The following CDH13 variants were observed in gnomAD, a reference collection of about 807,000 sequenced individuals.
CDH13 encodes cadherin-13.
A neutral mutation model predicts 63.8 loss-of-function variants in CDH13; 24 were observed. The ratio of observed to expected loss-of-function variants is 0.38; its 90% CI spans 0.27 to 0.53. The LOEUF (loss-of-function observed/expected upper bound fraction) is 0.53, where lower values mean the gene tolerates loss of function less well. CDH13 is among the 20% of genes least tolerant of loss of function. The pLI, the probability that CDH13 is intolerant of heterozygous loss-of-function variation, is 0.85. For synonymous variants in CDH13, 503 were observed against 355.3 expected, an observed-to-expected ratio of 1.42 and a Z score of -4.67; for missense variants, 1,049 against 903.1, an observed-to-expected ratio of 1.16 and a Z score of -2.07.
chr16:82,693,448 C>G (rs773210208), intron 1 of CDH13, among the ~76,000 whole-genome samples: 1 of 152,212 alleles, frequency 6.6e-6, no homozygotes, highest in Non-Finnish European at 1.5e-5. Context: ...CTCAGGAAGA[C>G]CACTTCCCAG....
chr16:83,486,639 C>T lies in CDH13; in HGVS notation c.944C>T (p.Ala315Val), dbSNP rs775593596. ...KGDIVTVVSP[A>V]LLDRETLENP... ...GACATTGTCACTGTTGTGTCACCTG[C>T]GCTGCTGGACCGAGAGGTGAGCTGA... The change falls in exon 7 of 14, where the codon GCG becomes GTG. Residue 315 changes from alanine (A) to valine (V), a missense_variant. Coordinates refer to ENST00000567109, the MANE Select transcript of CDH13 (RefSeq NM_001257.5). The T allele has an allele frequency of 5.8e-5, 93 of 1,613,528 alleles. No individual in the cohort carries two copies. The Admixed American group carries it at 7.7e-4, about 13-fold the overall frequency.
intron 11 of CDH13, among the ~76,000 whole-genome samples, chr16:83,771,374 T>G (rs1200073445): frequency 6.6e-6 from 1 of 152,226 alleles, no homozygotes; most frequent in Non-Finnish European, 1.5e-5. Flanking sequence ...TATTGGAGTT[T>G]GAAATCCAGC....
chr16:83,351,447 T>A (rs1379158181), intron 6 of CDH13, among the ~76,000 whole-genome samples: 1 of 152,186 alleles, frequency 6.6e-6, no homozygotes, highest in African/African-American at 2.4e-5. Flanking sequence ...TCCTGGCATC[T>A]CTACACAGAG....
rs968616356 is a variant in CDH13, at chr16:82,896,122, C to T, written c.157+37649C>T. Among the ~76,000 whole-genome samples, 5 of 152,092 alleles carry T rather than the reference C, an allele frequency of 3.3e-5. No homozygotes were observed. In the East Asian group the frequency reaches 7.8e-4, roughly 24 times the overall value. ...CCTGACATTCTCTCATTCATTCATTCGTATCTTACCTGTTTCCCTGTAGAA... is the reference window on the plus strand; with the variant it reads ...CCTGACATTCTCTCATTCATTCATTTGTATCTTACCTGTTTCCCTGTAGAA... On this transcript the variant is annotated intron_variant, in intron 2 of 13. Coordinates refer to ENST00000567109, the MANE Select transcript of CDH13 (RefSeq NM_001257.5).
At chr16:83,403,671 G>T (rs1264608858) in intron 6 of CDH13, among the ~76,000 whole-genome samples, 1 of 151,968 alleles carries the variant, frequency 6.6e-6, no homozygotes, top group Non-Finnish European at 1.5e-5. Context: ...AACCTTTGGG[G>T]GAGTGAGCAG....
chr16:83,538,652 G>A (rs886569091), intron 7 of CDH13, among the ~76,000 whole-genome samples: 4 of 152,176 alleles, frequency 2.6e-5, no homozygotes, highest in Non-Finnish European at 5.9e-5. Flanking sequence ...TAGCGCTGAC[G>A]ATCATTTTTA....
chr16:83,584,794 C>T (rs2150727596), intron 7 of CDH13, among the ~76,000 whole-genome samples: 1 of 152,320 alleles, frequency 6.6e-6, no homozygotes, highest in Middle Eastern at 3.4e-3. Flanking sequence ...GTACAGGAAG[C>T]ATGGTGCCAG....
intron 1 of CDH13, among the ~76,000 whole-genome samples, chr16:82,781,424 A>C (rs1254498505): frequency 6.6e-6 from 1 of 152,052 alleles, no homozygotes; most frequent in African/African-American, 2.4e-5. Flanking sequence ...TGTTGTGTAC[A>C]TTGGCAACTT....
At chr16:83,566,810 G>C (rs1161678271) in intron 7 of CDH13, among the ~76,000 whole-genome samples, 1 of 152,120 alleles carries the variant, frequency 6.6e-6, no homozygotes, top group Non-Finnish European at 1.5e-5. Flanking sequence ...TCCAGAGGCA[G>C]AATCCCAGAG....
chr16:83,103,109 C>T (rs1168344993), intron 3 of CDH13, among the ~76,000 whole-genome samples: 9 of 151,486 alleles, frequency 5.9e-5, no homozygotes, highest in East Asian at 1.9e-4. Context: ...TGTGCCACCA[C>T]GCCCAGCTAA....
intron 2 of CDH13, among the ~76,000 whole-genome samples, chr16:82,892,631 G>A (rs1326550715): frequency 6.6e-6 from 1 of 152,154 alleles, no homozygotes; most frequent in Non-Finnish European, 1.5e-5. Context: ...AGTTTGGGAT[G>A]GATCTAAGAA....
chr16:83,375,982 G>A (rs979919680), intron 6 of CDH13, among the ~76,000 whole-genome samples: 2 of 152,122 alleles, frequency 1.3e-5, no homozygotes, highest in African/African-American at 4.8e-5. Context: ...AAAAAAAATT[G>A]CATCAGCTCA....
At chr16:82,643,199 T>G (rs1452719040) in intron 1 of CDH13, among the ~76,000 whole-genome samples, 4 of 152,216 alleles carry the variant, frequency 2.6e-5, no homozygotes, top group Non-Finnish European at 5.9e-5. Context: ...CCGGCTAAGC[T>G]TTATAGTATG....
At chr16:83,283,814 C>A (rs2089242784) in intron 5 of CDH13, among the ~76,000 whole-genome samples, 1 of 152,052 alleles carries the variant, frequency 6.6e-6, no homozygotes, top group Admixed American at 6.6e-5. Flanking sequence ...TTAGAATAGC[C>A]TTTTTTGGTA....
chr16:82,655,059 AG>A (rs1332639331), intron 1 of CDH13, among the ~76,000 whole-genome samples: 3 of 152,244 alleles, frequency 2.0e-5, no homozygotes, highest in African/African-American at 7.2e-5. Context: ...GGAGTCCAAA[AG>A]AAACTCAAGA....
At chr16:83,123,528 C>T (rs1010716189) in intron 3 of CDH13, among the ~76,000 whole-genome samples, 32 of 152,168 alleles carry the variant, frequency 2.1e-4, no homozygotes, top group African/African-American at 6.8e-4. Context: ...ATCCACCCTC[C>T]TCAGCCTCCC....
intron 3 of CDH13, among the ~76,000 whole-genome samples, chr16:83,065,835 C>T (rs961710546): frequency 9.2e-5 from 14 of 152,248 alleles, no homozygotes; most frequent in African/African-American, 3.1e-4. Context: ...AAGGGTGCCA[C>T]AGGACACACA....
intron 5 of CDH13, among the ~76,000 whole-genome samples, chr16:83,318,044 C>T (rs970613182): frequency 2.0e-5 from 3 of 152,184 alleles, no homozygotes; most frequent in African/African-American, 7.2e-5. Context: ...TAGTCAGCCT[C>T]AGTTTTCCCT....
At chr16:83,129,334 A>G (rs2035947649) in intron 4 of CDH13, among the ~76,000 whole-genome samples, 1 of 152,252 alleles carries the variant, frequency 6.6e-6, no homozygotes, top group Non-Finnish European at 1.5e-5. Flanking sequence ...CAGCTCTAAA[A>G]GTATAAAGAC....
Sources: allele counts gnomAD v4.1 joint callset (sites outside exome capture counted in the v4.1 genomes callset), GRCh38; gene constraint gnomAD v4.1.1; transcripts MANE v1.5; gene names NCBI Gene and HGNC (gene_info 2026-07-23, HGNC 2026-07-21).